RBMS1: variants seen among roughly 807,000 people sequenced by gnomAD.
The protein encoded by RBMS1 is RNA-binding motif, single-stranded-interacting protein 1.
Under a neutral mutation model 62.3 loss-of-function variants are expected in RBMS1, and 17 were observed. That is an observed-to-expected ratio of 0.27 (90% CI 0.19 to 0.41). RBMS1 has a LOEUF of 0.41. Among genes scored for constraint, RBMS1 ranks in the 10% least tolerant of loss-of-function variants. RBMS1 has a pLI of 1.00. For synonymous variants in RBMS1, 172 were observed against 170.0 expected (o/e 1.01, Z -0.09); for missense variants, 334 against 504.5 (o/e 0.66, Z 3.24).
At chr2:160,484,743 C>T (rs1349553941) in intron 1 of RBMS1, among the ~76,000 whole-genome samples, 1 of 151,164 alleles carries the variant, frequency 6.6e-6, no homozygotes, top group Non-Finnish European at 1.5e-5. Context: ...TGGTGGCGGG[C>T]GCCTGTAGTC....
intron 1 of RBMS1, among the ~76,000 whole-genome samples, chr2:160,471,716 T>TATATATATATATATATATATATAA (rs371634389): frequency 0.027 from 2,010 of 75,530 alleles, 153 homozygotes; most frequent in Non-Finnish European, 0.033. Context: ...TATATATATA[T>TATATATATATATATATATATATAA]AACCTTTCAT....
At chr2:160,295,726 A>G (rs1431629700) in intron 6 of RBMS1, among the ~76,000 whole-genome samples, 1 of 152,170 alleles carries the variant, frequency 6.6e-6, no homozygotes, top group Non-Finnish European at 1.5e-5. Context: ...GAAGTTCTTT[A>G]GAGAAAAAAA....
At chr2:160,415,266 A>AC (rs1696170989) in intron 1 of RBMS1, among the ~76,000 whole-genome samples, 1 of 152,214 alleles carries the variant, frequency 6.6e-6, no homozygotes. Flanking sequence ...AGATATTACT[A>AC]GGTAATCTCT....
At chr2:160,393,650 G>A (rs1255975437) in intron 1 of RBMS1, among the ~76,000 whole-genome samples, 2 of 151,972 alleles carry the variant, frequency 1.3e-5, no homozygotes, top group African/African-American at 4.8e-5. Context: ...GGTGGCACAT[G>A]TCTGTAATCC....
chr2:160,443,167 C>G (rs1276636070), intron 1 of RBMS1, among the ~76,000 whole-genome samples: 1 of 149,660 alleles, frequency 6.7e-6, no homozygotes, highest in African/African-American at 2.5e-5. Flanking sequence ...GATTGCGCCA[C>G]TGAACTCCAG....
At chr2:160,439,647 C>G (rs965857513) in intron 1 of RBMS1, among the ~76,000 whole-genome samples, 4 of 151,806 alleles carry the variant, frequency 2.6e-5, no homozygotes, top group Admixed American at 2.0e-4. Context: ...ACTTCCCGGA[C>G]GGGGTGGCGG....
At chr2:160,283,095 C>T (rs1688187017) in intron 9 of RBMS1, 1 of 152,200 alleles carries the variant, frequency 6.6e-6, no homozygotes, top group African/African-American at 2.4e-5. Context: ...TGGCCAAATG[C>T]ACACTGGTTT....
At chr2:160,453,903 TAA>T (rs1684101638) in intron 1 of RBMS1, among the ~76,000 whole-genome samples, 1 of 152,242 alleles carries the variant, frequency 6.6e-6, no homozygotes. Flanking sequence ...GTTTTTATGC[TAA>T]GAGTGGCTTT....
At chr2:160,489,060 G>A (rs1419411938) in intron 1 of RBMS1, among the ~76,000 whole-genome samples, 1 of 152,160 alleles carries the variant, frequency 6.6e-6, no homozygotes, top group Non-Finnish European at 1.5e-5. Flanking sequence ...TACTTTCCTA[G>A]CTCACCTATC....
intron 11 of RBMS1, 32 bp from the exon 12 acceptor site, chr2:160,277,415 T>C (rs1687895074): frequency 6.5e-7 from 1 of 1,536,950 alleles, no homozygotes; most frequent in Non-Finnish European, 9.0e-7. Flanking sequence ...GAATGGGCAA[T>C]GGTAAACCAT....
intron 6 of RBMS1, among the ~76,000 whole-genome samples, chr2:160,299,795 G>T (rs1689119528): frequency 6.6e-6 from 1 of 152,162 alleles, no homozygotes; most frequent in African/African-American, 2.4e-5. Context: ...GGTTAGGTAG[G>T]GGACTGAGCA....
chr2:160,335,315 TG>T (rs1389786889), intron 2 of RBMS1, among the ~76,000 whole-genome samples: 2 of 152,120 alleles, frequency 1.3e-5, no homozygotes, highest in Non-Finnish European at 2.9e-5. Flanking sequence ...ATGGAGTAGC[TG>T]GGAGAAGGAG....
At position 160,426,334 on chromosome 2, in the gene RBMS1, GA is replaced by G. The variant is rs138498508; in HGVS notation, c.76-58944del. 6.1e-3 allele frequency among the ~76,000 whole-genome samples: 568 copies of G among 92,686 alleles called. 54 individuals carry two copies. Among genetic ancestry groups the G allele is most frequent in the African/African-American group, 0.012 (302 of 25,216 alleles). The allele number at this position is 92,686 out of a possible 152,430, so 60.8% of individuals were successfully genotyped here. ...GGAAGGAAGGAAGGAAGGAAGGAAG[GA>G]AAGGAAGGAAGGAAAGAGGGAAGGA... is the stretch of plus-strand genomic sequence containing the variant. On this transcript the variant is annotated intron_variant, in intron 1 of 13. Transcript: ENST00000348849.
intron 3 of RBMS1, among the ~76,000 whole-genome samples, chr2:160,313,459 T>C (rs538654612): frequency 1.1e-4 from 16 of 151,602 alleles, no homozygotes; most frequent in East Asian, 9.7e-4. Flanking sequence ...TCAGAGGGAG[T>C]TGGGGGAGTA....
intron 1 of RBMS1, among the ~76,000 whole-genome samples, chr2:160,484,657 G>A (rs1271267257): frequency 6.6e-6 from 1 of 151,474 alleles, no homozygotes; most frequent in Admixed American, 6.6e-5. Context: ...GGATCACGAG[G>A]TCAGGAGATC....
intron 4 of RBMS1, among the ~76,000 whole-genome samples, chr2:160,305,403 A>G (rs1266814465): frequency 6.6e-6 from 1 of 152,236 alleles, no homozygotes; most frequent in Non-Finnish European, 1.5e-5. Context: ...TCATTGTATT[A>G]TAACTGCTAA....
intron 1 of RBMS1, among the ~76,000 whole-genome samples, chr2:160,384,631 G>A (rs906844831): frequency 6.6e-6 from 1 of 152,172 alleles, no homozygotes; most frequent in Admixed American, 6.5e-5. Context: ...AGCATTTAAA[G>A]CTTCCAAGTC....
Position 160,287,200 on chromosome 2 carries a change from T to G in RBMS1, c.641-116A>C, listed in dbSNP as rs1042709014. ...CTATTAGAAAATTCATACAACACTT[T>G]AAGGCAAAAGCAGTTTACTCAGACC... On this transcript the variant is annotated intron_variant, in intron 6 of 13. Coordinates refer to ENST00000348849, the MANE Select transcript of RBMS1 (RefSeq NM_016836.4). 17 of 1,387,112 alleles carry G rather than the reference T, an allele frequency of 1.2e-5. No homozygotes were observed. In the African/African-American group the frequency reaches 2.1e-4, roughly 18 times the overall value. The allele number at this position is 1,387,112 out of a possible 1,614,324, so 85.9% of individuals were successfully genotyped here. A position where few individuals can be genotyped will look rare whatever the true frequency, so the allele number is the denominator to read the frequency against.
chr2:160,446,096 A>G (rs1683630332), intron 1 of RBMS1, among the ~76,000 whole-genome samples: 1 of 152,194 alleles, frequency 6.6e-6, no homozygotes. Context: ...ACCTTATATC[A>G]TTATCATAAC....
Sources: allele counts gnomAD v4.1 joint callset (sites outside exome capture counted in the v4.1 genomes callset), GRCh38; gene constraint gnomAD v4.1.1; transcripts MANE v1.5; gene names NCBI Gene and HGNC (gene_info 2026-07-23, HGNC 2026-07-21).